The following BIRC6 variants were observed in gnomAD, a reference collection of about 807,000 sequenced individuals.
BIRC6 encodes baculoviral IAP repeat containing 6.
BIRC6 carries 98 observed loss-of-function variants against 503.3 expected under a neutral mutation model. The ratio of observed to expected loss-of-function variants is 0.19; its 90% CI spans 0.17 to 0.23. The LOEUF is 0.23. Ranked by LOEUF, BIRC6 falls within the 10% of genes least tolerant of loss-of-function variation. The pLI is 1.00. For missense variants in BIRC6, 5,360 were observed against 5,806.0 expected (o/e 0.92, Z 2.50); for synonymous variants, 2,240 against 2,078.7 (o/e 1.08, Z -2.11).
chr2:32,546,530 A>C (rs1374992762), intron 63 of BIRC6, among the ~76,000 whole-genome samples: 4 of 152,124 alleles, frequency 2.6e-5, no homozygotes, highest in African/African-American at 9.7e-5. Flanking sequence ...CAGTGAGCCA[A>C]GATTGTGCCA....
rs765937146 is a variant in BIRC6, at chr2:32,477,433, A to C, written c.6918A>C (p.Glu2306Asp). 1 of 1,614,010 alleles carries C rather than the reference A, an allele frequency of 6.2e-7. No individual in the cohort carries two copies. Among genetic ancestry groups the C allele is most frequent in the Non-Finnish European group, 8.5e-7 (1 of 1,179,898 alleles). The change falls in exon 35 of 74, where the codon GAA becomes GAC. Residue 2306 changes from glutamate (E) to aspartate (D), a missense_variant. By Grantham distance (45) the Glu-to-Asp change is conservative (BLOSUM62 2). This residue lies in a region of BIRC6 where 2,299 missense variants were observed against 2,267.2 expected (regional missense o/e 1.01). Coordinates refer to ENST00000421745, the MANE Select transcript of BIRC6 (RefSeq NM_016252.4). Reference protein sequence around the residue: ...AEWSRSNLDTEVTTAKESPEI... With the variant: ...AEWSRSNLDTDVTTAKESPEI... Reference sequence around the variant, plus strand: ...GGTCCCGTTCTAATTTAGACACAGAAGTTACAACAGCAAAAGAAAGTCCTG... The same window carrying C: ...GGTCCCGTTCTAATTTAGACACAGACGTTACAACAGCAAAAGAAAGTCCTG...
At chr2:32,358,403 G>C (rs375172268) in intron 1 of BIRC6, among the ~76,000 whole-genome samples, 1 of 152,152 alleles carries the variant, frequency 6.6e-6, no homozygotes, top group Admixed American at 6.5e-5. Context: ...CTCAGTGGAC[G>C]GACTGGAGTG....
intron 1 of BIRC6, among the ~76,000 whole-genome samples, chr2:32,361,593 A>G (rs1243817752): frequency 6.6e-6 from 1 of 152,146 alleles, no homozygotes; most frequent in African/African-American, 2.4e-5. Context: ...GGTTTGGACA[A>G]TGTATAGTGA....
At chr2:32,530,922 T>TA (rs1429547771) in intron 60 of BIRC6, among the ~76,000 whole-genome samples, 1 of 152,226 alleles carries the variant, frequency 6.6e-6, no homozygotes, top group Non-Finnish European at 1.5e-5. Context: ...TCTTTGTCAT[T>TA]AATTTTTCTT....
intron 63 of BIRC6, among the ~76,000 whole-genome samples, chr2:32,547,276 C>A (rs1203055039): frequency 1.3e-5 from 2 of 151,914 alleles, no homozygotes; most frequent in African/African-American, 2.4e-5. Context: ...TGGTTTATCC[C>A]TTCTTTTCTT....
Position 32,478,647 on chromosome 2 carries a change from A to G in BIRC6, c.7081A>G (p.Ile2361Val). 1.2e-6 allele frequency: 2 copies of G among 1,610,758 alleles called. No homozygotes were observed. Among genetic ancestry groups the G allele is most frequent in the Non-Finnish European group, 1.7e-6 (2 of 1,179,078 alleles). The part of the protein sequence containing the change: ...LLFVCKVLAR[I>V]ANATRPTIHL... Reference sequence around the variant, plus strand: ...AAATGTATTACAGGTTCTTGCACGCATTGCAAATGCCACGAGGCCAACTAT... The same window carrying G: ...AAATGTATTACAGGTTCTTGCACGCGTTGCAAATGCCACGAGGCCAACTAT... Residue 2361 changes from isoleucine to valine, a missense_variant, in exon 36 of 74, where the codon ATT becomes GTT. Physicochemically the swap from Ile to Val is conservative, Grantham distance 29 (BLOSUM62 3). Around this residue, in one of 16 missense-constraint regions of BIRC6, gnomAD observed 2,299 missense variants for 2,267.2 expected, o/e 1.01. Coordinates refer to ENST00000421745, the MANE Select transcript of BIRC6 (RefSeq NM_016252.4).
intron 4 of BIRC6, among the ~76,000 whole-genome samples, chr2:32,389,937 G>A (rs1227729108): frequency 4.6e-5 from 7 of 151,370 alleles, no homozygotes; most frequent in South Asian, 4.2e-4. Flanking sequence ...TCGGCTCACC[G>A]CAACCTCTGC....
rs374793437 is a variant in BIRC6 at position 32,426,783 on chromosome 2, G to A, written c.2873-2363G>A. 7.7e-4 allele frequency among the ~76,000 whole-genome samples: 117 copies of A among 152,200 alleles called. 5 individuals carry two copies. In the South Asian group the frequency reaches 0.023, roughly 30 times the overall value. On this transcript the variant is annotated intron_variant, in intron 10 of 73. Transcript: ENST00000421745. ...TGTTGCTTTCCTTCCTCTTAAAGGG[G>A]CTTTCTTTGGGGCTTTCTTTGTTAC... is the stretch of plus-strand genomic sequence containing the variant.
rs71820292 is a variant in BIRC6 at position 32,370,061 on chromosome 2, T to TACAC, written c.326-7509_326-7506dup. ...GTATGTATATATATGTGTGTATGTATACACACACACACACACACACAGCAC... is the reference window on the plus strand; with the variant it reads ...GTATGTATATATATGTGTGTATGTATACACACACACACACACACACACACAGCAC... On this transcript the variant is annotated intron_variant, in intron 1 of 73. Coordinates refer to ENST00000421745, the MANE Select transcript of BIRC6 (RefSeq NM_016252.4). 2.0e-3 allele frequency among the ~76,000 whole-genome samples: 279 copies of TACAC among 140,952 alleles called. 1 individual carries two copies. Among genetic ancestry groups the TACAC allele is most frequent in the African/African-American group, 6.3e-3 (241 of 38,064 alleles). 92.5% of individuals were successfully genotyped at this position (140,952 alleles called of 152,430 possible).
At chr2:32,555,047 A>G (rs1242189207) in intron 65 of BIRC6, among the ~76,000 whole-genome samples, 1 of 152,144 alleles carries the variant, frequency 6.6e-6, no homozygotes, top group Non-Finnish European at 1.5e-5. Context: ...CATAATTTTT[A>G]TTATTTATAA....
At chr2:32,382,186 G>C (rs141740374) in intron 3 of BIRC6, among the ~76,000 whole-genome samples, 44 of 152,318 alleles carry the variant, frequency 2.9e-4, no homozygotes, top group African/African-American at 9.9e-4. Context: ...GAAACTTAGA[G>C]AATAGGCCCC....
At chr2:32,465,867 T>C (rs1156833389) in intron 26 of BIRC6, among the ~76,000 whole-genome samples, 2 of 152,102 alleles carry the variant, frequency 1.3e-5, no homozygotes, top group Non-Finnish European at 2.9e-5. Flanking sequence ...GTTTCCTCTT[T>C]GTAAGAGGGA....
At position 32,617,968 on chromosome 2, in the gene BIRC6, T is replaced by A; in HGVS notation, c.*64T>A. 6.8e-7 allele frequency: 1 copy of A among 1,474,678 alleles called. No homozygotes were observed. The highest frequency in any genetic ancestry group is 9.2e-7 in the Non-Finnish European group (1 of 1,087,566). 91.3% of individuals were successfully genotyped at this position (1,474,678 alleles called of 1,614,324 possible). On this transcript the variant is annotated 3_prime_UTR_variant, in exon 74 of 74. Transcript: ENST00000421745. Reference sequence around the variant, plus strand: ...AAGCACAAGCCAAATATGTCAATATTTGTATGTAAGAAACTAATTATGTAA... The same window carrying A: ...AAGCACAAGCCAAATATGTCAATATATGTATGTAAGAAACTAATTATGTAA...
chr2:32,361,611 C>T (rs1406888153), intron 1 of BIRC6, among the ~76,000 whole-genome samples: 1 of 152,120 alleles, frequency 6.6e-6, no homozygotes, highest in Non-Finnish European at 1.5e-5. Context: ...TGACATGTAT[C>T]CACCATTGTA....
Position 32,531,566 on chromosome 2 carries a change from C to A in BIRC6, c.12291+15C>A. Reference sequence around the variant, plus strand: ...TAATTCAACAGGTAAGATAAGATTTCCTAATCGAGTATATCATTCCATAGC... The same window carrying A: ...TAATTCAACAGGTAAGATAAGATTTACTAATCGAGTATATCATTCCATAGC... On this transcript the variant is annotated intron_variant, in intron 61 of 73. Transcript: ENST00000421745. The A allele has an allele frequency of 1.3e-6, 2 of 1,589,040 alleles. No individual in the cohort carries two copies. The highest frequency in any genetic ancestry group is 1.7e-6 in the Non-Finnish European group (2 of 1,164,390).
At chr2:32,519,528 A>C (rs751285127) in intron 57 of BIRC6, among the ~76,000 whole-genome samples, 8 of 151,992 alleles carry the variant, frequency 5.3e-5, no homozygotes, top group Middle Eastern at 3.4e-3. Flanking sequence ...TATTTATTTA[A>C]TTTTGAGAGG....
chr2:32,540,039 A>G (rs762645212), intron 61 of BIRC6, among the ~76,000 whole-genome samples: 23 of 152,110 alleles, frequency 1.5e-4, no homozygotes, highest in Non-Finnish European at 3.2e-4. Flanking sequence ...ATACTTAGAT[A>G]TAATGGATAA....
Position 32,575,175 on chromosome 2 carries a change from T to A in BIRC6, c.13164T>A (p.His4388Gln). Reference sequence around the variant, plus strand: ...TTATAGTTCTGGACATGGCAAGACATGTGCCACTCTATCGGGCACTGCTGG... The same window carrying A: ...TTATAGTTCTGGACATGGCAAGACAAGTGCCACTCTATCGGGCACTGCTGG... ...RNDSVLDMAR[H>Q]VPLYRALLEL... The change falls in exon 66 of 74, where the codon CAT (histidine) becomes CAA (glutamine). Residue 4388 changes from histidine (H) to glutamine (Q), a missense_variant. Transcript: ENST00000421745. 1 of 1,614,028 alleles carries A rather than the reference T, an allele frequency of 6.2e-7. No homozygotes were observed. Among genetic ancestry groups the A allele is most frequent in the Non-Finnish European group, 8.5e-7 (1 of 1,179,886 alleles).
chr2:32,410,883 G>T (rs1005844436), intron 9 of BIRC6, among the ~76,000 whole-genome samples: 14 of 151,976 alleles, frequency 9.2e-5, no homozygotes, highest in African/African-American at 3.1e-4. Context: ...TGTATTTTTA[G>T]TAGAGACGGG....
Sources: allele counts gnomAD v4.1 joint callset (sites outside exome capture counted in the v4.1 genomes callset), GRCh38; gene constraint gnomAD v4.1.1; regional missense constraint gnomAD v4.1.1; transcripts MANE v1.5; gene names NCBI Gene and HGNC (gene_info 2026-07-23, HGNC 2026-07-21).